The following EYS variants were observed in gnomAD, a reference collection of about 807,000 sequenced individuals.
EYS encodes the protein EGF-like photoreceptor maintenance factor, also known as protein eyes shut homolog.
In EYS, 250 loss-of-function variants were observed where a neutral mutation model predicts 282.1. The ratio of observed to expected loss-of-function variants is 0.89; its 90% CI spans 0.80 to 0.98. EYS has a LOEUF of 0.98. Among genes scored for constraint, EYS ranks in the 50% least tolerant of loss-of-function variants. EYS has a pLI of 0.00. For missense variants in EYS, 4,016 were observed against 3,709.0 expected (o/e 1.08, Z -2.15); for synonymous variants, 1,355 against 1,282.9 (o/e 1.06, Z -1.20).
At chr6:64,563,063 A>G (rs1409618827) in intron 26 of EYS, among the ~76,000 whole-genome samples, 2 of 152,094 alleles carry the variant, frequency 1.3e-5, no homozygotes, top group Non-Finnish European at 2.9e-5. Flanking sequence ...ATTCATTAAT[A>G]GTAAAACAAT....
chr6:64,821,522 G>C, intron 21 of EYS, 123 bp downstream of exon 21: 1 of 522,638 alleles, frequency 1.9e-6, no homozygotes, highest in South Asian at 3.1e-5. Flanking sequence ...GAGGAAAGAT[G>C]AGAGAACAGT....
chr6:65,399,654 T>C (rs556855410), intron 7 of EYS, among the ~76,000 whole-genome samples: 2 of 152,166 alleles, frequency 1.3e-5, no homozygotes, highest in East Asian at 3.9e-4. Flanking sequence ...ATTTAAAATA[T>C]GTGAGCAATC....
intron 26 of EYS, among the ~76,000 whole-genome samples, chr6:64,552,485 C>T (rs982192868): frequency 4.6e-5 from 7 of 152,092 alleles, no homozygotes; most frequent in East Asian, 3.9e-4. Context: ...GTCTTCTCTC[C>T]GAAGCCTGCT....
At chr6:65,603,843 C>G (rs1280600007) in intron 2 of EYS, among the ~76,000 whole-genome samples, 1 of 151,680 alleles carries the variant, frequency 6.6e-6, no homozygotes, top group Non-Finnish European at 1.5e-5. Flanking sequence ...GGGGTACTTC[C>G]TTGATTTTTC....
At chr6:64,877,307 A>G (rs1766778554) in intron 19 of EYS, among the ~76,000 whole-genome samples, 1 of 152,210 alleles carries the variant, frequency 6.6e-6, no homozygotes, top group Admixed American at 6.5e-5. Flanking sequence ...GAGGTATTAT[A>G]TGGATACCTG....
intron 22 of EYS, among the ~76,000 whole-genome samples, chr6:64,741,562 G>A (rs932783946): frequency 9.9e-5 from 15 of 152,212 alleles, no homozygotes; most frequent in Middle Eastern, 3.4e-3. Flanking sequence ...TGTCCTAGGT[G>A]GCATCTTCTA....
In EYS at chr6:65,163,665, C is replaced by T. The variant is rs73768161; in HGVS notation, c.2024-105938G>A. Among the ~76,000 whole-genome samples the T allele has an allele frequency of 9.0e-3, 1,362 of 151,286 alleles. 14 individuals are homozygous for T. The highest frequency in any genetic ancestry group is 0.031 in the African/African-American group (1,291 of 41,368). On this transcript the variant is annotated intron_variant, in intron 12 of 42. Coordinates refer to ENST00000503581, the MANE Select transcript of EYS (RefSeq NM_001142800.2). The stretch of plus-strand genomic sequence containing the variant: ...TAAAGCATATGGGCCAAAGCTCATC[C>T]GATTCCTGCTTTTATATTATCCATG...
intron 26 of EYS, among the ~76,000 whole-genome samples, chr6:64,507,980 A>G (rs1777267045): frequency 6.6e-6 from 1 of 152,184 alleles, no homozygotes; most frequent in Non-Finnish European, 1.5e-5. Context: ...GTGGAACGAC[A>G]AGGTGTTCTG....
At chr6:64,679,024 A>G (rs975364586) in intron 22 of EYS, among the ~76,000 whole-genome samples, 1 of 152,248 alleles carries the variant, frequency 6.6e-6, no homozygotes, top group Admixed American at 6.5e-5. Flanking sequence ...AATGTGTTCA[A>G]TATGTTATAC....
chr6:64,721,272 A>T (rs1028093154), intron 22 of EYS, among the ~76,000 whole-genome samples: 2 of 152,204 alleles, frequency 1.3e-5, no homozygotes, highest in African/African-American at 4.8e-5. Flanking sequence ...AGGAGAGTGA[A>T]AAAAGGCAGG....
At chr6:64,766,649 A>AATATATATATATAT (rs70999172) in intron 22 of EYS, among the ~76,000 whole-genome samples, 1,492 of 18,638 alleles carry the variant, frequency 0.08, 202 homozygotes, top group Non-Finnish European at 0.11. Flanking sequence ...AAAAAAAAAA[A>AATATATATATATAT]ATATATATAT....
At chr6:63,862,466 A>G (rs1048292803) in intron 36 of EYS, among the ~76,000 whole-genome samples, 1 of 152,122 alleles carries the variant, frequency 6.6e-6, no homozygotes, top group Admixed American at 6.6e-5. Flanking sequence ...AATAATGTCA[A>G]TTTTTCCTGT....
chr6:64,264,701 G>A (rs1331092780), intron 30 of EYS, among the ~76,000 whole-genome samples: 1 of 152,072 alleles, frequency 6.6e-6, no homozygotes, highest in Admixed American at 6.6e-5. Context: ...CTTGAGTTTA[G>A]GAGTTTGAGA....
intron 22 of EYS, among the ~76,000 whole-genome samples, chr6:64,713,585 G>A (rs1390270): frequency 0.96 from 146,293 of 152,158 alleles, 70,509 homozygotes; most frequent in Non-Finnish European, 1. Context: ...TGCATCAGGC[G>A]CCCTAGGGAG....
chr6:64,512,266 T>C (rs904920484), intron 26 of EYS, among the ~76,000 whole-genome samples: 1 of 152,114 alleles, frequency 6.6e-6, no homozygotes, highest in Non-Finnish European at 1.5e-5. Flanking sequence ...TATTTCATTA[T>C]GTAGGAGAAG....
intron 31 of EYS, among the ~76,000 whole-genome samples, chr6:64,152,180 T>A (rs1184922048): frequency 6.6e-6 from 1 of 152,122 alleles, no homozygotes; most frequent in Non-Finnish European, 1.5e-5. Flanking sequence ...ATATGCAACT[T>A]TAGAGCATGG....
In EYS at chr6:64,822,739, A is replaced by T. The variant is rs913206057; in HGVS notation, c.3076T>A (p.Tyr1026Asn). The change falls in exon 20 of 43, where the codon TAT becomes AAT. Residue 1026 changes from tyrosine to asparagine, a missense_variant. Transcript: ENST00000503581. ...DGVCIDGINH[Y>N]TCDCKSGFFG... ...AACCCACTCTTGCAGTCACAGGTAT[A>T]ATGATTGATGCCATCGATACAAACT... 6.5e-7 allele frequency: 1 copy of T among 1,550,090 alleles called. No individual in the cohort carries two copies. The highest frequency in any genetic ancestry group is 1.4e-5 in the African/African-American group (1 of 72,940).
chr6:64,293,733 G>C (rs1050200007), intron 30 of EYS, among the ~76,000 whole-genome samples: 1 of 151,800 alleles, frequency 6.6e-6, no homozygotes, highest in Non-Finnish European at 1.5e-5. Flanking sequence ...TCTTTTCTCT[G>C]ACTTATAAGT....
At chr6:65,692,748 T>A (rs1262889505) in intron 1 of EYS, among the ~76,000 whole-genome samples, 2 of 150,090 alleles carry the variant, frequency 1.3e-5, no homozygotes, top group Non-Finnish European at 3.0e-5. Flanking sequence ...AGAAAGAAAG[T>A]CATTCTTTAA....
Sources: allele counts gnomAD v4.1 joint callset (sites outside exome capture counted in the v4.1 genomes callset), GRCh38; gene constraint gnomAD v4.1.1; transcripts MANE v1.5; gene names NCBI Gene and HGNC (gene_info 2026-07-23, HGNC 2026-07-21).